PCDHGB3: variants seen among roughly 807,000 people sequenced by gnomAD.
The protein encoded by PCDHGB3 is protocadherin gamma subfamily B, 3.
Under a neutral mutation model 59.2 loss-of-function variants are expected in PCDHGB3, and 40 were observed. The ratio of observed to expected loss-of-function variants is 0.68; its 90% CI spans 0.52 to 0.88. PCDHGB3 has a LOEUF of 0.88. Among genes scored for constraint, PCDHGB3 ranks in the 40% least tolerant of loss-of-function variants. The pLI, the probability that PCDHGB3 is intolerant of heterozygous loss-of-function variation, is 0.00. For synonymous variants in PCDHGB3, 581 were observed against 503.6 expected (o/e 1.15, Z -2.06); for missense variants, 1,309 against 1,187.9 (o/e 1.10, Z -1.50).
chr5:141,474,403 C>G (rs553745731), intron 1 of PCDHGB3, among the ~76,000 whole-genome samples: 6 of 152,166 alleles, frequency 3.9e-5, no homozygotes, highest in Non-Finnish European at 5.9e-5. Context: ...ACAAGCTCCC[C>G]GGTGATGCCT....
Position 141,490,526 on chromosome 5 carries a change from C to T in PCDHGB3, c.2416-4281C>T, listed in dbSNP as rs1270447529. 6.2e-7 allele frequency: 1 copy of T among 1,614,116 alleles called. No homozygotes were observed. Among genetic ancestry groups the T allele is most frequent in the Non-Finnish European group, 8.5e-7 (1 of 1,180,008 alleles). ...ATCATCGAGCTGCTGGCCAGCGATGCTGGTTCACCTTCCCTACACAAACAT... is the reference window on the plus strand; with the variant it reads ...ATCATCGAGCTGCTGGCCAGCGATGTTGGTTCACCTTCCCTACACAAACAT... On this transcript the variant is annotated intron_variant, in intron 1 of 3. Coordinates refer to ENST00000576222, the MANE Select transcript of PCDHGB3 (RefSeq NM_018924.5). The surrounding 1 kb of genome is among the most constrained non-coding windows in gnomAD (Gnocchi z 5.4).
Position 141,372,598 on chromosome 5 carries a change from C to CTGTA in PCDHGB3, c.2205_2208dup (p.Pro737CysfsTer31), listed in dbSNP as rs763694061. The CTGTA allele has an allele frequency of 6.2e-6, 10 of 1,614,046 alleles. No individual in the cohort carries two copies. In the South Asian group the frequency reaches 1.1e-4, roughly 18 times the overall value. On this transcript the variant is annotated frameshift_variant, in exon 1 of 4. Coordinates refer to ENST00000576222, the MANE Select transcript of PCDHGB3 (RefSeq NM_018924.5). LOFTEE classifies it high-confidence loss of function. ...TTTCAGCCTGGTGTCTGCTTCAAGA[C>CTGTA]TGTACCTGGAGTTCTCCCCACCTAC...
At chr5:141,463,460 T>TTC (rs573961569) in intron 1 of PCDHGB3, among the ~76,000 whole-genome samples, 28 of 136,126 alleles carry the variant, frequency 2.1e-4, no homozygotes, top group Admixed American at 4.4e-4. Context: ...TTTTTTTTTT[T>TTC]TTTTTTGAGA....
chr5:141,487,361 A>C lies in PCDHGB3; in HGVS notation c.2416-7446A>C. On this transcript the variant is annotated intron_variant, in intron 1 of 3. Transcript: ENST00000576222. This position sits in a 1 kb window ranked among gnomAD's most constrained non-coding sequence, Gnocchi z 5.0. ...TGGAGTCACATGCTTTCCTGCTGGC[A>C]CCTGTGCCTGTCTCACCAGATCTCG... The C allele has an allele frequency of 1.2e-6, 2 of 1,613,834 alleles. No individual in the cohort carries two copies. Among genetic ancestry groups the C allele is most frequent in the East Asian group, 2.2e-5 (1 of 44,860 alleles).
chr5:141,375,604 C>T lies in PCDHGB3; in HGVS notation c.2415+2795C>T, dbSNP rs1192028188. 7 of 1,614,112 alleles carry T rather than the reference C, an allele frequency of 4.3e-6. No homozygotes were observed. The African/African-American group carries it at 9.3e-5, about 22-fold the overall frequency. On this transcript the variant is annotated intron_variant, in intron 1 of 3. Coordinates refer to ENST00000576222, the MANE Select transcript of PCDHGB3 (RefSeq NM_018924.5). ...CGCCCCTGTCCTCCTACGTGTCCAT[C>T]AACTCCGACACTGGGATTCTGTACG...
intron 1 of PCDHGB3, among the ~76,000 whole-genome samples, chr5:141,453,176 C>A (rs1225418058): frequency 6.6e-6 from 1 of 152,042 alleles, no homozygotes; most frequent in African/African-American, 2.4e-5. Flanking sequence ...TCCAGTGGTA[C>A]AATCACAGCT....
intron 1 of PCDHGB3, among the ~76,000 whole-genome samples, chr5:141,456,707 G>A (rs1198079338): frequency 6.6e-6 from 1 of 152,208 alleles, no homozygotes; most frequent in African/African-American, 2.4e-5. Context: ...GCTCGCGCCT[G>A]TAATCCCAGC....
In PCDHGB3 at chr5:141,505,574, CCT is replaced by C. The variant is rs562555098; in HGVS notation, c.2563+94_2563+95del. 5.3e-5 allele frequency: 85 copies of C among 1,593,636 alleles called. No individual in the cohort carries two copies. The African/African-American group carries it at 1.0e-3, about 20-fold the overall frequency. On this transcript the variant is annotated intron_variant, in intron 3 of 3. Coordinates refer to ENST00000576222, the MANE Select transcript of PCDHGB3 (RefSeq NM_018924.5). ...CCATGCCCACGGACTGGATGTCAAACCTGTGTAGTTTCTCCAGATCTTTCGGC... is the reference window on the plus strand; with the variant it reads ...CCATGCCCACGGACTGGATGTCAAACGTGTAGTTTCTCCAGATCTTTCGGC...
intron 1 of PCDHGB3, chr5:141,408,154 A>T: frequency 6.6e-7 from 1 of 1,510,630 alleles, no homozygotes; most frequent in Non-Finnish European, 8.9e-7. Context: ...GGTAGAGTGC[A>T]CTTTCTCCAA....
At chr5:141,382,930 A>G (rs1292069137) in intron 1 of PCDHGB3, 9 of 1,583,428 alleles carry the variant, frequency 5.7e-6, no homozygotes, top group East Asian at 4.5e-5. Context: ...CGGGGACTAC[A>G]GAGGATTCTT....
In PCDHGB3 at chr5:141,486,421, G is replaced by C; in HGVS notation, c.2416-8386G>C. 1 of 1,614,152 alleles carries C rather than the reference G, an allele frequency of 6.2e-7. No individual in the cohort carries two copies. Among genetic ancestry groups the C allele is most frequent in the African/African-American group, 1.3e-5 (1 of 75,028 alleles). On this transcript the variant is annotated intron_variant, in intron 1 of 3. Coordinates refer to ENST00000576222, the MANE Select transcript of PCDHGB3 (RefSeq NM_018924.5). This position sits in a 1 kb window ranked among gnomAD's most constrained non-coding sequence, Gnocchi z 5.0. Reference sequence around the variant, plus strand: ...TGACTGCTGGACCCTTGGATCGAGAGGCCAAATCTAGCTATGACATCATGG... The same window carrying C: ...TGACTGCTGGACCCTTGGATCGAGACGCCAAATCTAGCTATGACATCATGG...
rs200576950 is a variant in PCDHGB3 at position 141,477,475 on chromosome 5, C to T, written c.2416-17332C>T. The T allele has an allele frequency of 1.2e-6, 2 of 1,614,124 alleles. No individual in the cohort carries two copies. Among genetic ancestry groups the T allele is most frequent in the African/African-American group, 2.7e-5 (2 of 75,010 alleles). ...TTCAAGTGTCCGACATCAATGACAACCCTCCACAATCTTCTCAATCTTCCT... is the reference window on the plus strand; with the variant it reads ...TTCAAGTGTCCGACATCAATGACAATCCTCCACAATCTTCTCAATCTTCCT... On this transcript the variant is annotated intron_variant, in intron 1 of 3. Transcript: ENST00000576222. The surrounding 1 kb of genome is among the most constrained non-coding windows in gnomAD (Gnocchi z 4.9).
At position 141,476,011 on chromosome 5, in the gene PCDHGB3, A is replaced by C. The variant is rs1415142555; in HGVS notation, c.2416-18796A>C. On this transcript the variant is annotated intron_variant, in intron 1 of 3. Coordinates refer to ENST00000576222, the MANE Select transcript of PCDHGB3 (RefSeq NM_018924.5). This position sits in a 1 kb window ranked among gnomAD's most constrained non-coding sequence, Gnocchi z 7.6. The stretch of plus-strand genomic sequence containing the variant: ...GCAAATCAACGGCATCCAGAAAGCC[A>C]TGTCGGACTCGGCGCCCAGCGCCCA... 2.3e-6 allele frequency: 3 copies of C among 1,311,164 alleles called. No homozygotes were observed. Among genetic ancestry groups the C allele is most frequent in the African/African-American group, 1.5e-5 (1 of 68,020 alleles). 81.2% of individuals were successfully genotyped at this position (1,311,164 alleles called of 1,614,324 possible).
At chr5:141,389,133 A>G (rs1239484034) in intron 1 of PCDHGB3, 18 of 1,613,928 alleles carry the variant, frequency 1.1e-5, no homozygotes, top group Admixed American at 5.0e-5. Flanking sequence ...TCCAGAGTAC[A>G]ATATAACCGT....
Position 141,447,812 on chromosome 5 carries a change from G to A in PCDHGB3, c.2416-46995G>A, listed in dbSNP as rs557330895. 5.4e-4 allele frequency among the ~76,000 whole-genome samples: 82 copies of A among 152,254 alleles called. 1 individual carries two copies. The highest frequency in any genetic ancestry group is 1.3e-3 in the Admixed American group (20 of 15,294). On this transcript the variant is annotated intron_variant, in intron 1 of 3. Coordinates refer to ENST00000576222, the MANE Select transcript of PCDHGB3 (RefSeq NM_018924.5). ...TTTAAGAAAATAAAATTGGCTGGGC[G>A]TGGTGGCTCACGCCTGTAATCCCAG...
chr5:141,374,386 G>A (rs933509212), intron 1 of PCDHGB3: 6 of 1,613,940 alleles, frequency 3.7e-6, no homozygotes, highest in Admixed American at 1.7e-5. Context: ...AGAGCCCGCG[G>A]TGTCTGGTGA....
At chr5:141,505,260 C>T in intron 2 of PCDHGB3, 133 bp from the exon 3 acceptor site, 2 of 1,502,832 alleles carry the variant, frequency 1.3e-6, no homozygotes, top group South Asian at 1.3e-5. Context: ...TGCCTCCTAC[C>T]TTGCTGAGAG....
At chr5:141,394,009 GTAATTATTATAGA>G (rs780846520) in intron 1 of PCDHGB3, 1 of 1,613,394 alleles carries the variant, frequency 6.2e-7, no homozygotes, top group Non-Finnish European at 8.5e-7. Context: ...AAGTCAATAG[GTAATTATTATAGA>G]TTAGTGACAA....
At chr5:141,437,426 C>G (rs531265278) in intron 1 of PCDHGB3, among the ~76,000 whole-genome samples, 2 of 152,150 alleles carry the variant, frequency 1.3e-5, no homozygotes, top group Non-Finnish European at 2.9e-5. Context: ...CTTTTTGAAG[C>G]AGCAATAGCA....
Sources: gnomAD v4.1 joint callset for allele counts (sites outside exome capture counted in the v4.1 genomes callset) on GRCh38, gnomAD v4.1.1 for gene constraint, Gnocchi (gnomAD v3.1) non-coding constraint, MANE v1.5 for transcripts, NCBI Gene and HGNC (gene_info 2026-07-23, HGNC 2026-07-21) for gene names.